Variants in PSEN1 observed in about 807,000 individuals in gnomAD.
PSEN1 encodes presenilin 1.
A neutral mutation model predicts 53.5 loss-of-function variants in PSEN1; 15 were observed. That is an observed-to-expected ratio of 0.28 (90% CI 0.19 to 0.43). The LOEUF is 0.43. Ranked by LOEUF, PSEN1 falls within the 20% of genes least tolerant of loss-of-function variation. The pLI is 1.00. For synonymous variants in PSEN1, 208 were observed against 209.8 expected (o/e 0.99, Z 0.08); for missense variants, 387 against 571.2 (o/e 0.68, Z 3.29).
In PSEN1 at chr14:73,147,974, A is replaced by G. The variant is rs1897117206; in HGVS notation, c.-46A>G. 2.0e-6 allele frequency: 3 copies of G among 1,481,132 alleles called. No individual in the cohort carries two copies. Among genetic ancestry groups the G allele is most frequent in the Non-Finnish European group, 1.9e-6 (2 of 1,059,662 alleles). The allele number at this position is 1,481,132 out of a possible 1,614,324, so 91.7% of individuals were successfully genotyped here. ...TTTTCTTTCCCTTTTCAGAACCTCA[A>G]GAGGCTTTGTTTTCTGTGAAACAGT... On this transcript the variant is annotated 5_prime_UTR_variant, in exon 3 of 12. Coordinates refer to ENST00000324501, the MANE Select transcript of PSEN1 (RefSeq NM_000021.4).
chr14:73,194,459 CTG>C (rs1448707248), intron 7 of PSEN1, among the ~76,000 whole-genome samples: 4 of 152,104 alleles, frequency 2.6e-5, no homozygotes, highest in Admixed American at 1.3e-4. Context: ...TGAGATCTCA[CTG>C]TGTTTCCCAG....
At chr14:73,153,662 A>AT (rs34369135) in intron 3 of PSEN1, among the ~76,000 whole-genome samples, 87,889 of 138,520 alleles carry the variant, frequency 0.63, 28,124 homozygotes, top group African/African-American at 0.8. Flanking sequence ...CCATTAAGTC[A>AT]TTTTTTTTTT....
chr14:73,172,099 G>A (rs563573153), intron 4 of PSEN1, among the ~76,000 whole-genome samples: 1 of 152,318 alleles, frequency 6.6e-6, no homozygotes, highest in Admixed American at 6.5e-5. Flanking sequence ...TTGAAAGGAT[G>A]AACAACTAAT....
At position 73,186,818 on chromosome 14, in the gene PSEN1, A is replaced by G. The variant is rs753510892; in HGVS notation, c.481-35A>G. On this transcript the variant is annotated intron_variant, in intron 5 of 11. Coordinates refer to ENST00000324501, the MANE Select transcript of PSEN1 (RefSeq NM_000021.4). ...ATCTGTACTTTTTAAGGGTTGTGGG[A>G]CCTGTTAATTATATTGAAATGCTTT... 3 of 1,516,472 alleles carry G rather than the reference A, an allele frequency of 2.0e-6. No individual in the cohort carries two copies. The Admixed American group carries it at 5.0e-5, about 25-fold the overall frequency. 93.9% of individuals were successfully genotyped at this position (1,516,472 alleles called of 1,614,324 possible).
intron 6 of PSEN1, among the ~76,000 whole-genome samples, chr14:73,190,166 G>A (rs1432086929): frequency 6.6e-6 from 1 of 152,102 alleles, no homozygotes; most frequent in African/African-American, 2.4e-5. Context: ...AGCTTAGAGG[G>A]GTAAAAAAGA....
chr14:73,200,124 C>CA (rs551657220), intron 8 of PSEN1, among the ~76,000 whole-genome samples: 6 of 151,848 alleles, frequency 4.0e-5, no homozygotes, highest in African/African-American at 7.2e-5. Context: ...ATCTAATAGG[C>CA]AAAAAAATAA....
intron 4 of PSEN1, among the ~76,000 whole-genome samples, chr14:73,172,872 G>T (rs1566630469): frequency 6.6e-6 from 1 of 152,114 alleles, no homozygotes; most frequent in Non-Finnish European, 1.5e-5. Context: ...TGGAGCCCTA[G>T]CCTTCATTCT....
intron 1 of PSEN1, among the ~76,000 whole-genome samples, chr14:73,142,970 ACTC>A (rs1468222799): frequency 6.6e-6 from 1 of 151,750 alleles, no homozygotes. Context: ...ACTCCCACCT[ACTC>A]CTCAATTCGG....
At chr14:73,162,135 C>T (rs1454813324) in intron 3 of PSEN1, among the ~76,000 whole-genome samples, 2 of 150,168 alleles carry the variant, frequency 1.3e-5, no homozygotes, top group Non-Finnish European at 3.0e-5. Context: ...GCCAAGATTG[C>T]GCCACTGCAC....
intron 11 of PSEN1, 94 bp downstream of exon 11, chr14:73,217,338 G>A: frequency 6.9e-7 from 1 of 1,450,232 alleles, no homozygotes. Context: ...AACCCCAGGT[G>A]GGTTAAATAT....
intron 8 of PSEN1, among the ~76,000 whole-genome samples, chr14:73,202,419 TATATATATATA>T (rs1899232632): frequency 0.018 from 379 of 20,606 alleles, 8 homozygotes; most frequent in African/African-American, 0.033. Flanking sequence ...TATCACATAC[TATATATATATA>T]TATATATATA....
chr14:73,216,135 A>G (rs1899903380), intron 10 of PSEN1, among the ~76,000 whole-genome samples: 1 of 152,266 alleles, frequency 6.6e-6, no homozygotes, highest in Non-Finnish European at 1.5e-5. Context: ...CTGTAGACAC[A>G]TGCAGTATCA....
intron 6 of PSEN1, among the ~76,000 whole-genome samples, chr14:73,191,282 C>T (rs528527616): frequency 1.3e-5 from 2 of 152,136 alleles, no homozygotes; most frequent in South Asian, 4.2e-4. Context: ...CACTACTTTG[C>T]ATAAATGGGA....
At position 73,217,031 on chromosome 14, in the gene PSEN1, C is replaced by G. The variant is rs1253528696; in HGVS notation, c.1130-95C>G. 8 of 1,310,516 alleles carry G rather than the reference C, an allele frequency of 6.1e-6. No individual in the cohort carries two copies. The East Asian group carries it at 1.6e-4, about 26-fold the overall frequency. The allele number at this position is 1,310,516 out of a possible 1,614,324, so 81.2% of individuals were successfully genotyped here. A position where few individuals can be genotyped will look rare whatever the true frequency, so the allele number is the denominator to read the frequency against. On this transcript the variant is annotated intron_variant, in intron 10 of 11. Transcript: ENST00000324501. ...ATATCATTTACTGACTTCTCTCATT[C>G]ATTGTGGGGTTGAGTAGGGCAGTGA...
chr14:73,210,601 G>T (rs771496092), intron 9 of PSEN1, among the ~76,000 whole-genome samples: 1 of 152,178 alleles, frequency 6.6e-6, no homozygotes, highest in Non-Finnish European at 1.5e-5. Flanking sequence ...GGAGGGGGTA[G>T]AAAAGGGACT....
At position 73,141,522 on chromosome 14, in the gene PSEN1, G is replaced by T. The variant is rs181057130; in HGVS notation, c.-136+4939G>T. Reference sequence around the variant, plus strand: ...TAATTTCAATTATAGGCTGAGCACAGTGGCTCACGCCTGTAATCCCAGCTA... The same window carrying T: ...TAATTTCAATTATAGGCTGAGCACATTGGCTCACGCCTGTAATCCCAGCTA... On this transcript the variant is annotated intron_variant, in intron 1 of 11. Transcript: ENST00000324501. 1.7e-3 allele frequency among the ~76,000 whole-genome samples: 259 copies of T among 152,336 alleles called. 3 individuals are homozygous for T. Among genetic ancestry groups the T allele is most frequent in the Non-Finnish European group, 3.3e-3 (224 of 68,028 alleles).
chr14:73,211,800 A>G lies in PSEN1; in HGVS notation c.987A>G (p.Ala329=), dbSNP rs1232558964. The G allele has an allele frequency of 1.2e-6, 2 of 1,614,174 alleles. No individual in the cohort carries two copies. ...AAAGGGAGTCACAAGACACTGTTGC[A>G]GAGAATGATGATGGCGGGTTCAGTG... ...STERESQDTV[A]ENDDGGFSEE... is the part of the protein sequence containing the mutation. Residue 329 remains alanine (A), a synonymous_variant, in exon 10 of 12, where the codon GCA becomes GCG. Coordinates refer to ENST00000324501, the MANE Select transcript of PSEN1 (RefSeq NM_000021.4).
chr14:73,209,858 A>T (rs1899607137), intron 9 of PSEN1, among the ~76,000 whole-genome samples: 2 of 152,190 alleles, frequency 1.3e-5, no homozygotes. Context: ...TTCCTCAGTG[A>T]GAATGCTGCT....
chr14:73,175,404 G>C (rs949884287), intron 5 of PSEN1, among the ~76,000 whole-genome samples: 1 of 151,982 alleles, frequency 6.6e-6, no homozygotes, highest in Non-Finnish European at 1.5e-5. Flanking sequence ...GGGATTACAG[G>C]CGTGAGCCAC....
Sources: allele counts gnomAD v4.1 joint callset (sites outside exome capture counted in the v4.1 genomes callset), GRCh38; gene constraint gnomAD v4.1.1; transcripts MANE v1.5; gene names NCBI Gene and HGNC (gene_info 2026-07-23, HGNC 2026-07-21).